DNAJC15: variants seen among roughly 807,000 people sequenced by gnomAD.
DNAJC15 encodes DnaJ heat shock protein family (Hsp40) member C15.
A neutral mutation model predicts 22.4 loss-of-function variants in DNAJC15; 27 were observed. That is an observed-to-expected ratio of 1.20 (90% CI 0.89 to 1.66). The LOEUF (loss-of-function observed/expected upper bound fraction) is 1.66. DNAJC15 is among the 40% of genes most tolerant of loss of function. The probability of loss-of-function intolerance (pLI) is 0.00; values close to 1 mark genes in which losing one functional copy is unlikely to be tolerated. For missense variants in DNAJC15, 208 were observed against 187.1 expected (o/e 1.11, Z -0.65); for synonymous variants, 79 against 63.2 (o/e 1.25, Z -1.19).
chr13:43,030,958 A>G (rs2040401803), intron 1 of DNAJC15, among the ~76,000 whole-genome samples: 2 of 152,248 alleles, frequency 1.3e-5, no homozygotes, highest in South Asian at 4.1e-4. Context: ...AAAACTGTGA[A>G]AAGTGAGTTG....
chr13:43,106,606 T>G (rs918040076), intron 5 of DNAJC15, among the ~76,000 whole-genome samples: 1 of 152,132 alleles, frequency 6.6e-6, no homozygotes, highest in Non-Finnish European at 1.5e-5. Context: ...TTTTTATCTC[T>G]CATTTATTAA....
chr13:43,072,817 A>G (rs893982985), intron 3 of DNAJC15, among the ~76,000 whole-genome samples: 9 of 152,000 alleles, frequency 5.9e-5, no homozygotes, highest in Non-Finnish European at 8.8e-5. Context: ...ACCCACCTCA[A>G]CCTCCCAAAT....
intron 1 of DNAJC15, among the ~76,000 whole-genome samples, chr13:43,039,742 A>G (rs531214994): frequency 1.6e-4 from 25 of 152,342 alleles, no homozygotes; most frequent in African/African-American, 6.0e-4. Context: ...TTGGCTGGGC[A>G]TGGTGGCTCA....
At chr13:43,064,098 C>T (rs1036536925) in intron 1 of DNAJC15, among the ~76,000 whole-genome samples, 1 of 152,168 alleles carries the variant, frequency 6.6e-6, no homozygotes, top group Admixed American at 6.5e-5. Context: ...GGGAATGAAT[C>T]TTCTTTTACT....
chr13:43,054,833 T>G (rs1390089934), intron 1 of DNAJC15, among the ~76,000 whole-genome samples: 1 of 152,124 alleles, frequency 6.6e-6, no homozygotes. Context: ...TAACATAAAG[T>G]AGCTCAGAAA....
intron 1 of DNAJC15, among the ~76,000 whole-genome samples, chr13:43,048,381 A>G (rs993260379): frequency 1.4e-4 from 21 of 151,932 alleles, no homozygotes; most frequent in Non-Finnish European, 2.9e-4. Context: ...AATCCCAGCT[A>G]CTGGGGAGGC....
chr13:43,080,374 G>T (rs956453877), intron 4 of DNAJC15, among the ~76,000 whole-genome samples: 1 of 152,138 alleles, frequency 6.6e-6, no homozygotes, highest in Admixed American at 6.5e-5. Flanking sequence ...CCATGTTTCT[G>T]CAAAGCCCAC....
At chr13:43,096,105 T>A (rs947807942) in intron 5 of DNAJC15, among the ~76,000 whole-genome samples, 2 of 152,156 alleles carry the variant, frequency 1.3e-5, no homozygotes, top group African/African-American at 4.8e-5. Context: ...GAGAAGGTGA[T>A]TTAGAAGAGA....
rs113564579 is a variant in DNAJC15, at chr13:43,023,684, T to C, written c.58T>C (p.Leu20=). The C allele has an allele frequency of 6.2e-7, 1 of 1,613,006 alleles. No homozygotes were observed. The highest frequency in any genetic ancestry group is 8.5e-7 in the Non-Finnish European group (1 of 1,179,632). ...VGESLRYAEY[L]QPSAKRPDAD... is the part of the protein sequence containing the mutation. ...CGAGAGTTTGCGCTACGCTGAGTAC[T>C]TGCAGCCCTCGGCCAAACGGCCAGA... The change falls in exon 1 of 6, where the codon TTG becomes CTG. Residue 20 remains leucine, a synonymous_variant. Transcript: ENST00000379221.
chr13:43,049,884 A>G (rs571109825), intron 1 of DNAJC15, among the ~76,000 whole-genome samples: 17 of 152,308 alleles, frequency 1.1e-4, no homozygotes, highest in Admixed American at 9.2e-4. Context: ...AATTCATATT[A>G]TTCTGGGCCA....
intron 5 of DNAJC15, among the ~76,000 whole-genome samples, chr13:43,098,431 T>C (rs369572686): frequency 6.6e-6 from 1 of 152,316 alleles, no homozygotes; most frequent in Non-Finnish European, 1.5e-5. Flanking sequence ...AATATATTTA[T>C]TGGGTAAGAG....
chr13:43,085,480 A>G, intron 4 of DNAJC15, among the ~76,000 whole-genome samples: 1 of 152,184 alleles, frequency 6.6e-6, no homozygotes, highest in Non-Finnish European at 1.5e-5. Context: ...TCAAACTTAC[A>G]GTATTGTCTG....
chr13:43,059,852 G>T (rs1026840441), intron 1 of DNAJC15, among the ~76,000 whole-genome samples: 1 of 151,966 alleles, frequency 6.6e-6, no homozygotes, highest in East Asian at 1.9e-4. Flanking sequence ...TGTTTCGCGG[G>T]CATGGGGTGG....
intron 3 of DNAJC15, among the ~76,000 whole-genome samples, chr13:43,069,512 C>T (rs939254394): frequency 1.3e-5 from 2 of 152,230 alleles, no homozygotes; most frequent in Admixed American, 6.5e-5. Context: ...ACTTATTATA[C>T]ATTTTTGTAC....
At chr13:43,039,522 G>A (rs1489929110) in intron 1 of DNAJC15, among the ~76,000 whole-genome samples, 1 of 152,150 alleles carries the variant, frequency 6.6e-6, no homozygotes, top group Non-Finnish European at 1.5e-5. Context: ...TCAGGGGGTG[G>A]AGACACCAAG....
rs911831253 is a variant in DNAJC15 at position 43,112,589 on chromosome 13, T to A, written c.*5341T>A. 1 of 152,212 alleles carries A rather than the reference T, an allele frequency of 6.6e-6. No individual in the cohort carries two copies. The highest frequency in any genetic ancestry group is 1.5e-5 in the Non-Finnish European group (1 of 68,040). 9.4% of individuals were successfully genotyped at this position (152,212 alleles called of 1,614,324 possible). On this transcript the variant is annotated 3_prime_UTR_variant, in exon 6 of 6. Transcript: ENST00000379221. ...AATAAGTTCATTTTAAGAAAAGCAT[T>A]AATAATATTAGCTAACGTTTAGTAC...
chr13:43,096,762 A>G (rs1415649321), intron 5 of DNAJC15, among the ~76,000 whole-genome samples: 1 of 152,136 alleles, frequency 6.6e-6, no homozygotes, highest in Admixed American at 6.5e-5. Context: ...GGCCTTTGTC[A>G]TTTGTTTTGA....
intron 5 of DNAJC15, among the ~76,000 whole-genome samples, chr13:43,103,071 G>GT (rs2040777787): frequency 1.3e-5 from 2 of 152,004 alleles, no homozygotes; most frequent in South Asian, 4.2e-4. Context: ...AAGTTGATTA[G>GT]TTTTTTAGAG....
intron 1 of DNAJC15, among the ~76,000 whole-genome samples, chr13:43,032,004 G>A (rs1167721727): frequency 6.6e-6 from 1 of 152,218 alleles, no homozygotes; most frequent in Admixed American, 6.5e-5. Context: ...GGAACCACTA[G>A]CACTCCTAGA....
Sources: allele counts gnomAD v4.1 joint callset (sites outside exome capture counted in the v4.1 genomes callset), GRCh38; gene constraint gnomAD v4.1.1; transcripts MANE v1.5; gene names NCBI Gene and HGNC (gene_info 2026-07-23, HGNC 2026-07-21).